ARMC2: variants seen among roughly 807,000 people sequenced by gnomAD.
The protein encoded by ARMC2 is armadillo repeat containing 2.
ARMC2 carries 67 observed loss-of-function variants against 90.3 expected under a neutral mutation model. The ratio of observed to expected loss-of-function variants is 0.74; its 90% CI spans 0.61 to 0.91. The LOEUF is 0.91. ARMC2 is among the 40% of genes least tolerant of loss of function. ARMC2 has a pLI of 0.00. For synonymous variants in ARMC2, 393 were observed against 393.0 expected (o/e 1.00, Z 0.00); for missense variants, 920 against 1,030.9 (o/e 0.89, Z 1.47).
the ARMC2 span, among the ~76,000 whole-genome samples, chr6:109,043,953 T>C: frequency 6.6e-6 from 1 of 152,154 alleles, no homozygotes; most frequent in Non-Finnish European, 1.5e-5. Context: ...AAAGGACAGA[T>C]ACACATATCA....
At chr6:108,970,704 G>T (rs574366654) in intron 17 of ARMC2, among the ~76,000 whole-genome samples, 3 of 151,030 alleles carry the variant, frequency 2.0e-5, no homozygotes, top group African/African-American at 7.3e-5. Flanking sequence ...CATCATGTTG[G>T]CCAGGTTGAT....
At chr6:108,872,498 G>C (rs1468344273) in intron 4 of ARMC2, among the ~76,000 whole-genome samples, 2 of 152,062 alleles carry the variant, frequency 1.3e-5, no homozygotes, top group African/African-American at 4.8e-5. Context: ...ATCCTGTTTT[G>C]CTGCTCTTAA....
chr6:108,928,019 A>G (rs1488360294), intron 10 of ARMC2, 69 bp from the exon 11 acceptor site: 4 of 1,437,466 alleles, frequency 2.8e-6, no homozygotes, highest in Non-Finnish European at 3.7e-6. Context: ...AATGAATTGT[A>G]CTATGCTGTT....
the ARMC2 span, among the ~76,000 whole-genome samples, chr6:109,027,476 CAAAAAAAAAAAAAA>C: frequency 1.1e-4 from 3 of 27,326 alleles, no homozygotes; most frequent in Admixed American, 1.1e-3. Flanking sequence ...GACTCTGTCT[CAAAAAAAAAAAAAA>C]AAAAAAAAAA....
rs375645710 is a variant in ARMC2, at chr6:108,852,462, C to G, written c.-43-1763C>G. The stretch of plus-strand genomic sequence containing the variant: ...TTTTAGCCCTGTATCTACATTGTTT[C>G]TATCAGTATAGTATTTGGTCAGTCT... On this transcript the variant is annotated intron_variant, in intron 1 of 17. Transcript: ENST00000392644. 3.9e-5 allele frequency among the ~76,000 whole-genome samples: 6 copies of G among 152,276 alleles called. No individual in the cohort carries two copies. The East Asian group carries it at 1.2e-3, about 29-fold the overall frequency.
intron 13 of ARMC2, among the ~76,000 whole-genome samples, chr6:108,957,746 A>G (rs1351461176): frequency 6.6e-6 from 1 of 152,184 alleles, no homozygotes; most frequent in Non-Finnish European, 1.5e-5. Context: ...TGTTTCTAGT[A>G]AGAACTGACC....
intron 11 of ARMC2, among the ~76,000 whole-genome samples, chr6:108,930,741 C>T (rs959822909): frequency 2.6e-4 from 39 of 151,356 alleles, no homozygotes; most frequent in African/African-American, 9.0e-4. Flanking sequence ...GGACTACAGG[C>T]ACCCACACCA....
At chr6:108,998,486 G>T in the ARMC2 span, 2 of 1,611,424 alleles carry the variant, frequency 1.2e-6, no homozygotes, top group South Asian at 2.2e-5. Context: ...TTAGTTTTAT[G>T]ACAATCTCAT....
At chr6:108,962,841 C>A (rs988237852) in intron 15 of ARMC2, among the ~76,000 whole-genome samples, 9 of 151,966 alleles carry the variant, frequency 5.9e-5, no homozygotes, top group African/African-American at 2.2e-4. Flanking sequence ...CCTGTCTCTA[C>A]AAAAATTTAA....
the ARMC2 span, among the ~76,000 whole-genome samples, chr6:109,016,943 A>G: frequency 6.6e-6 from 1 of 152,004 alleles, no homozygotes. Flanking sequence ...AGAGGGTAAC[A>G]CTCTTAATTT....
At chr6:108,995,261 TTAAA>T in the ARMC2 span, among the ~76,000 whole-genome samples, 4 of 152,196 alleles carry the variant, frequency 2.6e-5, no homozygotes, top group Non-Finnish European at 5.9e-5. Context: ...TGCTTAATCT[TTAAA>T]TAAATAAGAT....
chr6:109,032,620 G>GC, the ARMC2 span, among the ~76,000 whole-genome samples: 1 of 126,120 alleles, frequency 7.9e-6, no homozygotes, highest in East Asian at 2.1e-4. Context: ...TTCATCTCGT[G>GC]GGGGGAGTGG....
chr6:109,004,681 C>T, the ARMC2 span, among the ~76,000 whole-genome samples: 5 of 152,142 alleles, frequency 3.3e-5, no homozygotes, highest in Non-Finnish European at 5.9e-5. Flanking sequence ...GCGCCCACCT[C>T]GGCCTCCCAA....
chr6:108,957,684 A>T (rs985517078), intron 13 of ARMC2, among the ~76,000 whole-genome samples: 1 of 152,144 alleles, frequency 6.6e-6, no homozygotes, highest in Admixed American at 6.5e-5. Context: ...GTACCCCAGG[A>T]CTTGCCTAGA....
At chr6:109,004,334 T>G in the ARMC2 span, among the ~76,000 whole-genome samples, 1 of 151,580 alleles carries the variant, frequency 6.6e-6, no homozygotes, top group Non-Finnish European at 1.5e-5. Flanking sequence ...ATATACAAAG[T>G]CAAAAGTAAA....
chr6:108,926,216 C>T (rs1198351417), intron 10 of ARMC2, among the ~76,000 whole-genome samples: 1 of 152,140 alleles, frequency 6.6e-6, no homozygotes, highest in East Asian at 1.9e-4. Flanking sequence ...CATGGTTTCC[C>T]ATGATGTCTG....
At chr6:108,954,771 A>G (rs1179725776) in intron 13 of ARMC2, among the ~76,000 whole-genome samples, 1 of 152,216 alleles carries the variant, frequency 6.6e-6, no homozygotes, top group Non-Finnish European at 1.5e-5. Flanking sequence ...CTCAAGAGCC[A>G]TTTCCTAAGC....
At chr6:109,038,976 A>G in the ARMC2 span, among the ~76,000 whole-genome samples, 2 of 151,320 alleles carry the variant, frequency 1.3e-5, no homozygotes, top group Admixed American at 1.3e-4. Context: ...GAAGGAAAAG[A>G]AAAAGAAGAA....
At chr6:108,871,693 C>CCG (rs1173578530) in intron 4 of ARMC2, among the ~76,000 whole-genome samples, 6 of 152,152 alleles carry the variant, frequency 3.9e-5, no homozygotes, top group African/African-American at 1.4e-4. Flanking sequence ...TGCCCACCAT[C>CCG]CCCCTCCTCA....
Sources: gnomAD v4.1 joint callset for allele counts (sites outside exome capture counted in the v4.1 genomes callset) on GRCh38, gnomAD v4.1.1 for gene constraint, MANE v1.5 for transcripts, NCBI Gene and HGNC (gene_info 2026-07-23, HGNC 2026-07-21) for gene names.